Variants in RBM20 observed in about 807,000 individuals in gnomAD.
The protein encoded by RBM20 is RNA-binding protein 20.
In RBM20, 51 loss-of-function variants were observed where a neutral mutation model predicts 110.1. The ratio of observed to expected loss-of-function variants is 0.46; its 90% confidence interval spans 0.37 to 0.59. The LOEUF (loss-of-function observed/expected upper bound fraction) is 0.59, where lower values mean the gene tolerates loss of function less well. RBM20 is among the 20% of genes least tolerant of loss of function. The probability of loss-of-function intolerance (pLI) is 0.00; values close to 1 mark genes in which losing one functional copy is unlikely to be tolerated. For synonymous variants in RBM20, 589 were observed against 618.2 expected (o/e 0.95, Z 0.70); for missense variants, 1,512 against 1,574.9 (o/e 0.96, Z 0.68).
intron 7 of RBM20, 134 bp from the exon 8 acceptor site, chr10:110,810,249 C>T: frequency 1.5e-6 from 1 of 669,466 alleles, no homozygotes; most frequent in Non-Finnish European, 2.7e-6. Context: ...TGGATTACAC[C>T]TTTTGTCTTC....
At chr10:110,790,995 C>T (rs533078654) in intron 5 of RBM20, among the ~76,000 whole-genome samples, 15 of 152,264 alleles carry the variant, frequency 9.9e-5, no homozygotes, top group Non-Finnish European at 1.8e-4. Flanking sequence ...ACAGGTGAAT[C>T]GTCCAAGATC....
At chr10:110,716,549 G>T (rs1460767139) in intron 1 of RBM20, among the ~76,000 whole-genome samples, 1 of 152,168 alleles carries the variant, frequency 6.6e-6, no homozygotes, top group Non-Finnish European at 1.5e-5. Flanking sequence ...AAGAAACAAT[G>T]ATCAGAGTTC....
At chr10:110,797,298 T>A (rs1006344616) in intron 5 of RBM20, among the ~76,000 whole-genome samples, 4 of 151,702 alleles carry the variant, frequency 2.6e-5, no homozygotes, top group African/African-American at 7.2e-5. Context: ...GTCTCAAAAA[T>A]ATATATATAT....
At chr10:110,813,403 A>T (rs562861309) in intron 9 of RBM20, among the ~76,000 whole-genome samples, 1 of 152,324 alleles carries the variant, frequency 6.6e-6, no homozygotes, top group South Asian at 2.1e-4. Flanking sequence ...TCTTTGGTTC[A>T]TTCTGTCCTC....
At chr10:110,715,929 CCT>C (rs1554892316) in intron 1 of RBM20, among the ~76,000 whole-genome samples, 10 of 152,258 alleles carry the variant, frequency 6.6e-5, no homozygotes, top group African/African-American at 2.4e-4. Flanking sequence ...GCGTAATCCC[CCT>C]GTGTGCCCAG....
Position 110,781,314 on chromosome 10 carries a change from C to T in RBM20, c.705C>T (p.Ser235=), listed in dbSNP as rs1257780371. The change falls in exon 2 of 14, where the codon AGC becomes AGT. Residue 235 remains serine, a synonymous_variant. Transcript: ENST00000369519. ...GATTCTATGAGTATGGCAAAGCCAG[C>T]TCTGGCCAGACATATGGCCCTGAAA... ...TAGFYEYGKA[S]SGQTYGPETD... 1.9e-6 allele frequency: 3 copies of T among 1,551,606 alleles called. No individual in the cohort carries two copies. The highest frequency in any genetic ancestry group is 2.4e-5 in the East Asian group (1 of 40,942).
intron 1 of RBM20, among the ~76,000 whole-genome samples, chr10:110,663,482 CT>C (rs1426763507): frequency 6.6e-6 from 1 of 152,110 alleles, no homozygotes; most frequent in Non-Finnish European, 1.5e-5. Context: ...CTTGCTTATA[CT>C]TTTTTAAAAA....
chr10:110,759,132 C>T (rs988119880), intron 1 of RBM20, among the ~76,000 whole-genome samples: 1 of 152,238 alleles, frequency 6.6e-6, no homozygotes, highest in African/African-American at 2.4e-5. Flanking sequence ...CAGCCTTTGT[C>T]TGTGCAGGAT....
rs569145057 is a variant in RBM20, at chr10:110,644,889, A to G, written c.191+244A>G. Reference sequence around the variant, plus strand: ...TCCTTATCTCCTTTCTCTTCTCTTCAGGAATGGTACTAGATATTTTGAACT... The same window carrying G: ...TCCTTATCTCCTTTCTCTTCTCTTCGGGAATGGTACTAGATATTTTGAACT... On this transcript the variant is annotated intron_variant, in intron 1 of 13. Coordinates refer to ENST00000369519, the MANE Select transcript of RBM20 (RefSeq NM_001134363.3). This position sits in a 1 kb window ranked among gnomAD's most constrained non-coding sequence, Gnocchi z 4.3. Among the ~76,000 whole-genome samples, 10 of 152,240 alleles carry G rather than the reference A, an allele frequency of 6.6e-5. No individual in the cohort carries two copies. The East Asian group carries it at 1.9e-3, about 29-fold the overall frequency.
At chr10:110,699,008 G>A (rs1862714303) in intron 1 of RBM20, among the ~76,000 whole-genome samples, 1 of 152,158 alleles carries the variant, frequency 6.6e-6, no homozygotes, top group Admixed American at 6.5e-5. Flanking sequence ...TTGGCTTCCT[G>A]ACAGGGAACA....
intron 1 of RBM20, among the ~76,000 whole-genome samples, chr10:110,747,337 A>G (rs1843794997): frequency 6.6e-6 from 1 of 151,442 alleles, no homozygotes; most frequent in South Asian, 2.1e-4. Context: ...CTGGCTTCTC[A>G]ACCCCCTTCA....
At chr10:110,644,301 G>A, upstream of RBM20, 1 of 512,382 alleles carries the variant, frequency 2.0e-6, no homozygotes, top group Non-Finnish European at 3.2e-6. The surrounding 1 kb of genome is among the most constrained non-coding windows in gnomAD (Gnocchi z 4.3). Context: ...GCGCCGCCAG[G>A]ACTGCCTCCT....
intron 1 of RBM20, among the ~76,000 whole-genome samples, chr10:110,753,560 T>C (rs1331984900): frequency 6.6e-6 from 1 of 152,216 alleles, no homozygotes; most frequent in Non-Finnish European, 1.5e-5. Context: ...TGAGGAACTC[T>C]TTGCGTGCCT....
rs2134966411 is a variant in RBM20 at position 110,739,952 on chromosome 10, T to G, written c.192-40849T>G. Among the ~76,000 whole-genome samples the G allele has an allele frequency of 6.6e-6, 1 of 152,324 alleles. No individual in the cohort carries two copies. The highest frequency in any genetic ancestry group is 2.1e-4 in the South Asian group (1 of 4,832). On this transcript the variant is annotated intron_variant, in intron 1 of 13. Transcript: ENST00000369519. This position sits in a 1 kb window ranked among gnomAD's most constrained non-coding sequence, Gnocchi z 4.1. Reference sequence around the variant, plus strand: ...CTGGGTGTTCCCAGCCCCACTATACTGTCTCCCTCTCCCTCCTTCTCCAAG... The same window carrying G: ...CTGGGTGTTCCCAGCCCCACTATACGGTCTCCCTCTCCCTCCTTCTCCAAG...
At chr10:110,754,936 G>A (rs1843903192) in intron 1 of RBM20, among the ~76,000 whole-genome samples, 1 of 152,152 alleles carries the variant, frequency 6.6e-6, no homozygotes, top group African/African-American at 2.4e-5. Flanking sequence ...AAGAAATTAT[G>A]TGTGGAGATC....
At position 110,781,611 on chromosome 10, in the gene RBM20, A is replaced by G. The variant is rs760124791; in HGVS notation, c.1002A>G (p.Thr334=). 4 of 1,551,042 alleles carry G rather than the reference A, an allele frequency of 2.6e-6. No homozygotes were observed. In the South Asian group the frequency reaches 3.6e-5, roughly 14 times the overall value. Residue 334 remains threonine (T), a synonymous_variant, in exon 2 of 14, where the codon ACA becomes ACG. Transcript: ENST00000369519. ...GFSGQSKPDL[T]AGPMWPPPHN... ...CGGGCCAAAGCAAGCCTGATCTCAC[A>G]GCAGGTCCCATGTGGCCTCCACCCC...
At chr10:110,790,010 G>A (rs1844465167) in intron 5 of RBM20, among the ~76,000 whole-genome samples, 1 of 152,202 alleles carries the variant, frequency 6.6e-6, no homozygotes, top group Non-Finnish European at 1.5e-5. Flanking sequence ...TTTAGTGCCA[G>A]TGTCACAGAT....
Position 110,838,216 on chromosome 10 carries a change from A to G in RBM20, c.*2238A>G, listed in dbSNP as rs1845157736. On this transcript the variant is annotated 3_prime_UTR_variant, in exon 14 of 14. Coordinates refer to ENST00000369519, the MANE Select transcript of RBM20 (RefSeq NM_001134363.3). ...TGGGAACACTCATTCTATTTTATAG[A>G]ATGACATGTTGCCCAATTCTAGAAT... is the stretch of plus-strand genomic sequence containing the variant. The G allele has an allele frequency of 6.6e-6, 1 of 152,230 alleles. No individual in the cohort carries two copies. The highest frequency in any genetic ancestry group is 1.9e-4 in the East Asian group (1 of 5,202). 9.4% of individuals were successfully genotyped at this position (152,230 alleles called of 1,614,324 possible).
rs190458915 is a variant in RBM20, at chr10:110,703,075, C to T, written c.191+58430C>T. ...TGAGATAATTGTAGATTCAGATGCACTTGTAGGAAATAATTTAGGCCAGGT... is the reference window on the plus strand; with the variant it reads ...TGAGATAATTGTAGATTCAGATGCATTTGTAGGAAATAATTTAGGCCAGGT... On this transcript the variant is annotated intron_variant, in intron 1 of 13. Transcript: ENST00000369519. 2.6e-4 allele frequency among the ~76,000 whole-genome samples: 38 copies of T among 147,694 alleles called. 1 individual carries two copies. The highest frequency in any genetic ancestry group is 2.3e-3 in the Admixed American group (33 of 14,610).
Sources: allele counts gnomAD v4.1 joint callset (sites outside exome capture counted in the v4.1 genomes callset), GRCh38; gene constraint gnomAD v4.1.1; non-coding constraint Gnocchi (gnomAD v3.1); transcripts MANE v1.5; gene names NCBI Gene and HGNC (gene_info 2026-07-23, HGNC 2026-07-21).